The following LPP variants were observed in gnomAD, a reference collection of about 807,000 sequenced individuals.
LPP encodes the protein lipoma-preferred partner.
In LPP, 38 loss-of-function variants were observed where a neutral mutation model predicts 60.4. That is an observed-to-expected ratio of 0.63 (90% CI 0.49 to 0.83). The LOEUF (loss-of-function observed/expected upper bound fraction) is 0.83, where lower values mean the gene tolerates loss of function less well. Among genes scored for constraint, LPP ranks in the 40% least tolerant of loss-of-function variants. The pLI is 0.00. For synonymous variants in LPP, 328 were observed against 290.8 expected, an observed-to-expected ratio of 1.13 and a Z score of -1.30; for missense variants, 902 against 783.6, an observed-to-expected ratio of 1.15 and a Z score of -1.80.
intron 7 of LPP, among the ~76,000 whole-genome samples, chr3:188,676,921 T>G (rs1162383239): frequency 6.6e-6 from 1 of 152,198 alleles, no homozygotes; most frequent in Non-Finnish European, 1.5e-5. Flanking sequence ...ACTTTCACCC[T>G]TGTAGGCTTT....
rs145009426 is a variant in LPP at position 188,662,403 on chromosome 3, C to T, written c.1114-45864C>T. Among the ~76,000 whole-genome samples, 189 of 152,322 alleles carry T rather than the reference C, an allele frequency of 1.2e-3. 1 individual carries two copies. Among genetic ancestry groups the T allele is most frequent in the South Asian group, 9.7e-3 (47 of 4,826 alleles). On this transcript the variant is annotated intron_variant, in intron 7 of 11. Transcript: ENST00000617246. ...CCATGGACTTTGCTGCATCTCAGTT[C>T]TTCCATTGCATGCCTTTGGAAATCT...
At chr3:188,270,349 G>C (rs985572699) in intron 2 of LPP, among the ~76,000 whole-genome samples, 1 of 151,948 alleles carries the variant, frequency 6.6e-6, no homozygotes, top group Non-Finnish European at 1.5e-5. Flanking sequence ...AGCCTCTTAC[G>C]TGTGTTAAAC....
At chr3:188,240,202 T>G (rs1723546786) in intron 2 of LPP, 2 of 179,924 alleles carry the variant, frequency 1.1e-5, no homozygotes, top group African/African-American at 2.4e-5. Context: ...TGTTTCATTT[T>G]CCTTTCATAA....
At chr3:188,799,590 C>T (rs1334460071) in intron 9 of LPP, among the ~76,000 whole-genome samples, 1 of 152,020 alleles carries the variant, frequency 6.6e-6, no homozygotes, top group Non-Finnish European at 1.5e-5. Context: ...TTTTTCTTTC[C>T]AGCATAGAAG....
At chr3:188,244,943 T>G (rs1726342901) in intron 2 of LPP, among the ~76,000 whole-genome samples, 1 of 152,186 alleles carries the variant, frequency 6.6e-6, no homozygotes, top group South Asian at 2.1e-4. Flanking sequence ...ATCTCCTTAC[T>G]AGGCATATGT....
At chr3:188,403,877 G>GTA (rs1782806819) in intron 3 of LPP, among the ~76,000 whole-genome samples, 2 of 152,064 alleles carry the variant, frequency 1.3e-5, no homozygotes, top group South Asian at 4.1e-4. Context: ...TTGTGTGTGT[G>GTA]TATATATATA....
intron 2 of LPP, among the ~76,000 whole-genome samples, chr3:188,243,007 A>G (rs1296996894): frequency 6.6e-6 from 1 of 152,230 alleles, no homozygotes; most frequent in Non-Finnish European, 1.5e-5. Context: ...TACTTGCTAT[A>G]TTGTTTAGGC....
At chr3:188,692,203 G>A (rs1862277547) in intron 7 of LPP, among the ~76,000 whole-genome samples, 1 of 152,212 alleles carries the variant, frequency 6.6e-6, no homozygotes, top group South Asian at 2.1e-4. Context: ...CTATGCCAGG[G>A]TCCTGGGTAA....
chr3:188,647,511 A>G (rs1413889223), intron 7 of LPP, among the ~76,000 whole-genome samples: 1 of 152,118 alleles, frequency 6.6e-6, no homozygotes, highest in East Asian at 1.9e-4. Context: ...CACAGCTGGT[A>G]CTAATGCCTT....
At chr3:188,649,079 A>T (rs2148941169) in intron 7 of LPP, among the ~76,000 whole-genome samples, 1 of 152,332 alleles carries the variant, frequency 6.6e-6, no homozygotes, top group African/African-American at 2.4e-5. Context: ...TTTTCAGTTT[A>T]ATAGCAGGAA....
intron 5 of LPP, among the ~76,000 whole-genome samples, chr3:188,493,456 G>A (rs894548695): frequency 3.3e-5 from 5 of 151,844 alleles, no homozygotes; most frequent in Non-Finnish European, 7.4e-5. Context: ...TTATGTAAAT[G>A]GGATTTTCTT....
rs1444195450 is a variant in LPP, at chr3:188,804,182, CT to C, written c.1410+43909del. On this transcript the variant is annotated intron_variant, in intron 9 of 11. Coordinates refer to ENST00000617246, the MANE Select transcript of LPP (RefSeq NM_001375462.1). ...TTGCTAAAATTATTTATTCTAGTAGCTTTTTTTTTATTCGGGGGGAGGTTTA... is the reference window on the plus strand; with the variant it reads ...TTGCTAAAATTATTTATTCTAGTAGCTTTTTTTTATTCGGGGGGAGGTTTA... Among the ~76,000 whole-genome samples the C allele has an allele frequency of 1.2e-3, 146 of 125,486 alleles. 1 individual carries two copies. Among genetic ancestry groups the C allele is most frequent in the Admixed American group, 3.0e-3 (34 of 11,150 alleles). The allele number at this position is 125,486 out of a possible 152,430, so 82.3% of individuals were successfully genotyped here. A position where few individuals can be genotyped will look rare whatever the true frequency, so the allele number is the denominator to read the frequency against.
In LPP at chr3:188,428,560, T is replaced by C. The variant is rs893146641; in HGVS notation, c.193+22247T>C. 1.1e-4 allele frequency among the ~76,000 whole-genome samples: 17 copies of C among 150,116 alleles called. 1 individual carries two copies. The highest frequency in any genetic ancestry group is 2.4e-4 in the African/African-American group (10 of 40,940). The stretch of plus-strand genomic sequence containing the variant: ...GGTCTCACCCTCAAGTATTGTAATG[T>C]AATTGCTCTGGGATGGGCACTATAT... On this transcript the variant is annotated intron_variant, in intron 4 of 11. Transcript: ENST00000617246.
chr3:188,660,644 C>CTGTGTG (rs1217077290), intron 7 of LPP, among the ~76,000 whole-genome samples: 6,969 of 149,982 alleles, frequency 0.046, 235 homozygotes, highest in South Asian at 0.086. Flanking sequence ...TTCCAAAGAT[C>CTGTGTG]TGTGTGTGTG....
At chr3:188,337,140 C>T (rs1378130879) in intron 2 of LPP, among the ~76,000 whole-genome samples, 1 of 152,070 alleles carries the variant, frequency 6.6e-6, no homozygotes, top group Non-Finnish European at 1.5e-5. Context: ...GCTGGCAGCT[C>T]GGCTTGGGGA....
chr3:188,311,528 T>TAAACA (rs1753430409), intron 2 of LPP, among the ~76,000 whole-genome samples: 1 of 142,668 alleles, frequency 7.0e-6, no homozygotes, highest in Non-Finnish European at 1.6e-5. Context: ...TAAACTAAAC[T>TAAACA]AAAAGTAAGA....
intron 9 of LPP, among the ~76,000 whole-genome samples, chr3:188,764,060 A>G (rs966678998): frequency 6.6e-6 from 1 of 152,148 alleles, no homozygotes; most frequent in Non-Finnish European, 1.5e-5. Context: ...AAGTTTGTGT[A>G]ATTATTAGCA....
At chr3:188,728,603 T>G (rs1350267221) in intron 8 of LPP, among the ~76,000 whole-genome samples, 1 of 152,206 alleles carries the variant, frequency 6.6e-6, no homozygotes, top group Non-Finnish European at 1.5e-5. Flanking sequence ...ATACACATTT[T>G]CATAGTAGAT....
chr3:188,457,914 A>G (rs1798128789), intron 4 of LPP, among the ~76,000 whole-genome samples: 2 of 152,056 alleles, frequency 1.3e-5, no homozygotes, highest in Admixed American at 1.3e-4. Context: ...GTCTCAAAAA[A>G]TATCCTTTGA....
Sources: allele counts gnomAD v4.1 joint callset (sites outside exome capture counted in the v4.1 genomes callset), GRCh38; gene constraint gnomAD v4.1.1; transcripts MANE v1.5; gene names NCBI Gene and HGNC (gene_info 2026-07-23, HGNC 2026-07-21).